The following MRPS27 variants were observed in gnomAD, a reference collection of about 807,000 sequenced individuals.
The protein encoded by MRPS27 is mitochondrial ribosomal protein S27.
In MRPS27, 43 loss-of-function variants were observed where a neutral mutation model predicts 48.9. That is an observed-to-expected ratio of 0.88 (90% CI 0.69 to 1.13). The LOEUF is 1.13. Among genes scored for constraint, MRPS27 ranks in the 50% most tolerant of loss-of-function variants. MRPS27 has a pLI of 0.00. For synonymous variants in MRPS27, 188 were observed against 171.9 expected (o/e 1.09, Z -0.73); for missense variants, 467 against 476.3 (o/e 0.98, Z 0.18).
chr5:72,262,001 A>C (rs775900612), intron 4 of MRPS27, among the ~76,000 whole-genome samples: 1 of 152,214 alleles, frequency 6.6e-6, no homozygotes, highest in Non-Finnish European at 1.5e-5. Flanking sequence ...ATTACATGCC[A>C]TATCTATAAA....
chr5:72,228,010 T>G (rs1341450021), intron 8 of MRPS27: 2 of 485,986 alleles, frequency 4.1e-6, no homozygotes, highest in South Asian at 4.3e-5. Flanking sequence ...TTCTTCAGAC[T>G]GATTACCACT....
At chr5:72,246,429 A>C (rs1748514551) in intron 4 of MRPS27, among the ~76,000 whole-genome samples, 2 of 152,182 alleles carry the variant, frequency 1.3e-5, no homozygotes, top group Admixed American at 6.5e-5. Flanking sequence ...TGGATTCTTT[A>C]ATGCAAGTTG....
At position 72,219,521 on chromosome 5, in the gene MRPS27, A is replaced by C. The variant is rs1219823784; in HGVS notation, c.*1388T>G. 2 of 152,200 alleles carry C rather than the reference A, an allele frequency of 1.3e-5. No homozygotes were observed. Among genetic ancestry groups the C allele is most frequent in the Non-Finnish European group, 2.9e-5 (2 of 68,034 alleles). The allele number at this position is 152,200 out of a possible 1,614,324, so 9.4% of individuals were successfully genotyped here. A position where few individuals can be genotyped will look rare whatever the true frequency, so the allele number is the denominator to read the frequency against. ...CCCTTTCCCCAAAGATAAAGAGTACACTAACATGATCCCGGAACATTTATT... is the reference window on the plus strand; with the variant it reads ...CCCTTTCCCCAAAGATAAAGAGTACCCTAACATGATCCCGGAACATTTATT... On this transcript the variant is annotated 3_prime_UTR_variant, in exon 11 of 11. Transcript: ENST00000261413.
chr5:72,265,265 A>T (rs1749080998), intron 4 of MRPS27, among the ~76,000 whole-genome samples: 2 of 152,232 alleles, frequency 1.3e-5, no homozygotes, highest in South Asian at 2.1e-4. Flanking sequence ...AAGTGCTACC[A>T]GTGTGCAATG....
chr5:72,319,600 G>T (rs915113384), intron 1 of MRPS27, among the ~76,000 whole-genome samples: 1 of 138,190 alleles, frequency 7.2e-6, no homozygotes, highest in Non-Finnish European at 1.5e-5. Flanking sequence ...CTGGAGTGTA[G>T]TGGCGCGATC....
intron 4 of MRPS27, among the ~76,000 whole-genome samples, chr5:72,260,847 T>G (rs1748945221): frequency 6.6e-6 from 1 of 152,180 alleles, no homozygotes; most frequent in African/African-American, 2.4e-5. Context: ...AGTAATTAAC[T>G]AAATCATTTA....
Position 72,314,084 on chromosome 5 carries a change from G to T in MRPS27, c.148C>A (p.Leu50Ile), listed in dbSNP as rs1356811303. 1 of 1,611,532 alleles carries T rather than the reference G, an allele frequency of 6.2e-7. No individual in the cohort carries two copies. Among genetic ancestry groups the T allele is most frequent in the Non-Finnish European group, 8.5e-7 (1 of 1,178,306 alleles). ...TAATAGTCCAATAGGTACCTACCAA[G>T]ACAGTAATGTTCTTTTTCTCTTGCT... ...WEAREKEHYC[L>I]ADLASLMDKT... Residue 50 changes from leucine to isoleucine, a missense_variant, in exon 2 of 11, where the codon CTT becomes ATT. Physicochemically the swap from Leu to Ile is conservative, Grantham distance 5. Transcript: ENST00000261413.
intron 2 of MRPS27, among the ~76,000 whole-genome samples, chr5:72,313,564 G>C (rs1750492933): frequency 6.6e-6 from 1 of 152,138 alleles, no homozygotes; most frequent in Non-Finnish European, 1.5e-5. Context: ...ATATGACATA[G>C]GGAACAGGAG....
chr5:72,220,968 GT>G lies in MRPS27; in HGVS notation c.1185del (p.Gln395HisfsTer87). On this transcript the variant is annotated frameshift_variant, in exon 11 of 11. Coordinates refer to ENST00000261413, the MANE Select transcript of MRPS27 (RefSeq NM_015084.3). LOFTEE classifies it high-confidence loss of function. ...TACTCCTGCTTCGCTTGCTCCCTCT[GT>G]TGCTGTTCTCTCTGGATCAACTGTA... ...DLVQLIQREQ[Q>X]QREQAKQEYQ... The G allele has an allele frequency of 6.2e-7, 1 of 1,614,140 alleles. No homozygotes were observed. The highest frequency in any genetic ancestry group is 8.5e-7 in the Non-Finnish European group (1 of 1,179,984).
chr5:72,301,415 T>A (rs977193987), intron 2 of MRPS27, among the ~76,000 whole-genome samples: 1 of 152,234 alleles, frequency 6.6e-6, no homozygotes, highest in Admixed American at 6.5e-5. Flanking sequence ...CATTTCATAA[T>A]GAAGGCTTCT....
intron 4 of MRPS27, chr5:72,241,358 A>T (rs1387529648): frequency 1.0e-5 from 5 of 478,384 alleles, no homozygotes; most frequent in Admixed American, 3.6e-5. Flanking sequence ...ACTTACACAC[A>T]TACTATAAAA....
In MRPS27 at chr5:72,220,853, C is replaced by T. The variant is rs1190800520; in HGVS notation, c.*56G>A. The T allele has an allele frequency of 5.0e-5, 80 of 1,603,572 alleles. No individual in the cohort carries two copies. The highest frequency in any genetic ancestry group is 6.8e-5 in the Non-Finnish European group (80 of 1,175,496). On this transcript the variant is annotated 3_prime_UTR_variant, in exon 11 of 11. Transcript: ENST00000261413. ...CTGTTGTCCAGGCCACTGCTGAGTC[C>T]TGGCACGGGGTTGAGTGAAGTTCTT...
chr5:72,310,952 A>G (rs776971016), intron 2 of MRPS27, among the ~76,000 whole-genome samples: 1 of 152,236 alleles, frequency 6.6e-6, no homozygotes, highest in African/African-American at 2.4e-5. Flanking sequence ...CTGGGGAAGC[A>G]TAACAATGAG....
chr5:72,240,829 A>T (rs1748328848), intron 4 of MRPS27, among the ~76,000 whole-genome samples: 1 of 152,230 alleles, frequency 6.6e-6, no homozygotes, highest in Non-Finnish European at 1.5e-5. Context: ...CTCTCTTAGA[A>T]GCCTAAAGGG....
chr5:72,225,910 G>A, intron 9 of MRPS27, 147 bp downstream of exon 9: 1 of 759,786 alleles, frequency 1.3e-6, no homozygotes, highest in Non-Finnish European at 1.9e-6. Flanking sequence ...AAATGTTTGT[G>A]GTTTTGCATT....
chr5:72,280,280 T>G (rs540191946), intron 4 of MRPS27, among the ~76,000 whole-genome samples: 1 of 152,322 alleles, frequency 6.6e-6, no homozygotes, highest in South Asian at 2.1e-4. Flanking sequence ...TGGTTGGAAT[T>G]GCACTGAATT....
intron 2 of MRPS27, among the ~76,000 whole-genome samples, chr5:72,310,277 T>C (rs1478168707): frequency 6.6e-6 from 1 of 152,178 alleles, no homozygotes; most frequent in Non-Finnish European, 1.5e-5. Context: ...TGGTTTCTAA[T>C]GCCATTCCTC....
chr5:72,229,447 G>C (rs1747993930), intron 7 of MRPS27: 1 of 151,988 alleles, frequency 6.6e-6, no homozygotes, highest in Non-Finnish European at 1.5e-5. Flanking sequence ...TGCAGCACAG[G>C]TAAATAAAAG....
intron 4 of MRPS27, among the ~76,000 whole-genome samples, chr5:72,252,142 A>G (rs1211505323): frequency 1.3e-5 from 2 of 152,246 alleles, no homozygotes; most frequent in African/African-American, 4.8e-5. Context: ...TTCTGATTTA[A>G]GACAGGCTCA....
Sources: allele counts gnomAD v4.1 joint callset (sites outside exome capture counted in the v4.1 genomes callset), GRCh38; gene constraint gnomAD v4.1.1; transcripts MANE v1.5; gene names NCBI Gene and HGNC (gene_info 2026-07-23, HGNC 2026-07-21).